PSD2: variants seen among roughly 807,000 people sequenced by gnomAD.
PSD2 encodes pleckstrin and Sec7 domain containing 2.
PSD2 carries 38 observed loss-of-function variants against 69.8 expected under a neutral mutation model. That is an observed-to-expected ratio of 0.54 (90% CI 0.42 to 0.71). PSD2 has a LOEUF of 0.71. Ranked by LOEUF, PSD2 falls within the 30% of genes least tolerant of loss-of-function variation. The pLI, the probability that PSD2 is intolerant of heterozygous loss-of-function variation, is 0.00. For synonymous variants in PSD2, 412 were observed against 423.0 expected, an observed-to-expected ratio of 0.97 and a Z score of 0.32; for missense variants, 943 against 1,014.5, an observed-to-expected ratio of 0.93 and a Z score of 0.96.
At chr5:139,757,474 C>T in the PSD2 span, among the ~76,000 whole-genome samples, 1 of 152,198 alleles carries the variant, frequency 6.6e-6, no homozygotes, top group South Asian at 2.1e-4. Context: ...CAACCAAAGA[C>T]TCAAGGGGGG....
At chr5:139,748,895 C>A in the PSD2 span, among the ~76,000 whole-genome samples, 2 of 144,106 alleles carry the variant, frequency 1.4e-5, no homozygotes, top group Admixed American at 1.4e-4. Context: ...TTCTAGGAGC[C>A]CTGGGGTATG....
intron 7 of PSD2, among the ~76,000 whole-genome samples, chr5:139,830,298 A>AT (rs529053095): frequency 1.4e-5 from 2 of 140,658 alleles, no homozygotes; most frequent in Admixed American, 1.4e-4. Flanking sequence ...TGATTTACAA[A>AT]TTTTTTTTCT....
the PSD2 span, among the ~76,000 whole-genome samples, chr5:139,783,590 G>A: frequency 6.6e-6 from 1 of 152,190 alleles, no homozygotes; most frequent in Non-Finnish European, 1.5e-5. Flanking sequence ...GTCATGAGTA[G>A]TGCTGCTCTG....
At chr5:139,767,159 ATTT>A in the PSD2 span, among the ~76,000 whole-genome samples, 1 of 149,298 alleles carries the variant, frequency 6.7e-6, no homozygotes, top group Middle Eastern at 3.5e-3. Flanking sequence ...TGCCCAGCTA[ATTT>A]TTTTTGTATT....
chr5:139,768,103 C>T, the PSD2 span, among the ~76,000 whole-genome samples: 14 of 152,386 alleles, frequency 9.2e-5, no homozygotes, highest in Middle Eastern at 3.4e-3. Flanking sequence ...GGAGGTAGCA[C>T]GTGTCCCAGC....
At chr5:139,802,647 C>T (rs948948968) in intron 1 of PSD2, among the ~76,000 whole-genome samples, 1 of 151,990 alleles carries the variant, frequency 6.6e-6, no homozygotes, top group African/African-American at 2.4e-5. Context: ...GAGGGTTCAC[C>T]CCGTAGGGAA....
intron 1 of PSD2, among the ~76,000 whole-genome samples, chr5:139,805,048 G>A (rs187158181): frequency 1.6e-4 from 25 of 152,116 alleles, no homozygotes; most frequent in East Asian, 3.9e-4. Flanking sequence ...ATGTGTGTGC[G>A]CATGTGTGTG....
chr5:139,833,659 G>A, intron 7 of PSD2, 43 bp from the exon 8 acceptor site: 1 of 1,452,448 alleles, frequency 6.9e-7, no homozygotes, highest in Non-Finnish European at 9.7e-7. Flanking sequence ...GAACACACCA[G>A]CCTCCTTCCC....
intron 7 of PSD2, among the ~76,000 whole-genome samples, chr5:139,829,306 A>G (rs1013226105): frequency 1.5e-4 from 23 of 152,236 alleles, no homozygotes; most frequent in Non-Finnish European, 3.4e-4. Context: ...TATGTGTTGT[A>G]AAAATCATGT....
In PSD2 at chr5:139,837,145, A is replaced by T; in HGVS notation, c.1595-23A>T. ...GACTGCAGAGGGTGGCTGCAGCCACACTACCAGTGCCCTCCTCCCCAGCGC... is the reference window on the plus strand; with the variant it reads ...GACTGCAGAGGGTGGCTGCAGCCACTCTACCAGTGCCCTCCTCCCCAGCGC... On this transcript the variant is annotated intron_variant, in intron 10 of 14. Coordinates refer to ENST00000274710, the MANE Select transcript of PSD2 (RefSeq NM_032289.4). This position sits in a 1 kb window ranked among gnomAD's most constrained non-coding sequence, Gnocchi z 5.0. 1.9e-6 allele frequency: 3 copies of T among 1,613,040 alleles called. No individual in the cohort carries two copies. The African/African-American group carries it at 4.0e-5, about 22-fold the overall frequency.
intron 1 of PSD2, 70 bp downstream of exon 1, chr5:139,796,045 G>C (rs943072908): frequency 2.2e-5 from 2 of 92,842 alleles, no homozygotes; most frequent in Non-Finnish European, 4.2e-5. Flanking sequence ...GGGACGGGCC[G>C]GGGAGAGGGC....
At chr5:139,818,480 A>AGGCTT in intron 5 of PSD2, among the ~76,000 whole-genome samples, 1 of 152,286 alleles carries the variant, frequency 6.6e-6, no homozygotes, top group East Asian at 1.9e-4. Context: ...TGGGAGGTTG[A>AGGCTT]GGCTACAGTA....
At chr5:139,766,127 A>G in the PSD2 span, among the ~76,000 whole-genome samples, 2 of 152,188 alleles carry the variant, frequency 1.3e-5, no homozygotes, top group Admixed American at 1.3e-4. Flanking sequence ...ACCGCGGAGC[A>G]GAATGGTGGT....
the PSD2 span, among the ~76,000 whole-genome samples, chr5:139,788,174 C>T: frequency 8.8e-6 from 1 of 114,258 alleles, no homozygotes; most frequent in Non-Finnish European, 1.9e-5. Flanking sequence ...GCCCGCCCCC[C>T]CCGCGCCCCC....
the PSD2 span, among the ~76,000 whole-genome samples, chr5:139,762,587 G>T: frequency 6.6e-6 from 1 of 152,210 alleles, no homozygotes; most frequent in Admixed American, 6.5e-5. Context: ...CCTATTGTTA[G>T]TTGAAGTACC....
intron 1 of PSD2, among the ~76,000 whole-genome samples, chr5:139,798,589 C>A (rs1759590516): frequency 6.6e-6 from 1 of 152,230 alleles, no homozygotes; most frequent in Non-Finnish European, 1.5e-5. Context: ...GAACACCCAC[C>A]TACATACCCT....
chr5:139,820,826 A>T (rs566539165), intron 5 of PSD2, among the ~76,000 whole-genome samples: 1 of 152,234 alleles, frequency 6.6e-6, no homozygotes, highest in Admixed American at 6.5e-5. Context: ...TCCAAGGTGT[A>T]GCAGGCGGGT....
chr5:139,842,784 TGTC>T lies in PSD2; in HGVS notation c.*311_*313del. The T allele has an allele frequency of 3.3e-6, 1 of 302,192 alleles. No homozygotes were observed. Among genetic ancestry groups the T allele is most frequent in the Non-Finnish European group, 6.2e-6 (1 of 161,660 alleles). The allele number at this position is 302,192 out of a possible 1,614,324, so 18.7% of individuals were successfully genotyped here. On this transcript the variant is annotated 3_prime_UTR_variant, in exon 15 of 15. Coordinates refer to ENST00000274710, the MANE Select transcript of PSD2 (RefSeq NM_032289.4). ...TCGCTGGAGAAGCTGGAAGGGCTGT[TGTC>T]TTCCCAGGTCTTTCTCTTCTCATCA...
chr5:139,743,772 A>C, the PSD2 span: 1 of 152,350 alleles, frequency 6.6e-6, no homozygotes, highest in East Asian at 1.9e-4. Flanking sequence ...CATTGGGACC[A>C]TACTGCTGAG....
Sources: allele counts gnomAD v4.1 joint callset (sites outside exome capture counted in the v4.1 genomes callset), GRCh38; gene constraint gnomAD v4.1.1; non-coding constraint Gnocchi (gnomAD v3.1); transcripts MANE v1.5; gene names NCBI Gene and HGNC (gene_info 2026-07-23, HGNC 2026-07-21).